AXDND1: variants seen among roughly 807,000 people sequenced by gnomAD.
AXDND1 encodes the protein axonemal dynein light chain domain containing 1.
A neutral mutation model predicts 137.5 loss-of-function variants in AXDND1; 110 were observed. The observed-to-expected ratio is 0.80, with a 90% CI of 0.69 to 0.94. AXDND1 has a LOEUF of 0.94. Ranked by LOEUF, AXDND1 falls within the 40% of genes least tolerant of loss-of-function variation. AXDND1 has a pLI of 0.00. For synonymous variants in AXDND1, 414 were observed against 399.7 expected (o/e 1.04, Z -0.43); for missense variants, 1,191 against 1,169.8 (o/e 1.02, Z -0.26).
At chr1:179,548,647 G>A (rs893868591) in intron 25 of AXDND1, 1 of 152,130 alleles carries the variant, frequency 6.6e-6, no homozygotes, top group African/African-American at 2.4e-5. Context: ...CATTGTAGTG[G>A]CCAGGAACAG....
chr1:179,434,158 A>T (rs1399597000), intron 15 of AXDND1, among the ~76,000 whole-genome samples: 2 of 152,090 alleles, frequency 1.3e-5, no homozygotes, highest in African/African-American at 2.4e-5. Flanking sequence ...ATTTTGTCAG[A>T]GACTAGTGTT....
rs113404025 is a variant in AXDND1 at position 179,509,057 on chromosome 1, C to T, written c.2389-239C>T. 7.1e-4 allele frequency among the ~76,000 whole-genome samples: 108 copies of T among 152,188 alleles called. 1 individual carries two copies. The highest frequency in any genetic ancestry group is 3.1e-3 in the Admixed American group (47 of 15,276). On this transcript the variant is annotated intron_variant, in intron 20 of 25. Transcript: ENST00000367618. ...AACAATCTTTTTGTATCTGTTTTTA[C>T]GGCACTTCACTACTCCCTGTCCCAT...
intron 25 of AXDND1, among the ~76,000 whole-genome samples, chr1:179,548,358 C>A (rs561663102): frequency 1.9e-4 from 29 of 152,314 alleles, no homozygotes; most frequent in Admixed American, 1.6e-3. Flanking sequence ...CTACTTTTAT[C>A]CCCATTTATA....
intron 15 of AXDND1, among the ~76,000 whole-genome samples, chr1:179,441,546 T>C (rs1472479960): frequency 6.6e-6 from 1 of 152,204 alleles, no homozygotes; most frequent in African/African-American, 2.4e-5. Flanking sequence ...AGAGTTAAGG[T>C]TAGCATTTCT....
intron 16 of AXDND1, among the ~76,000 whole-genome samples, chr1:179,465,365 G>A (rs1465219033): frequency 1.3e-5 from 2 of 152,246 alleles, no homozygotes; most frequent in East Asian, 3.8e-4. Context: ...CTGCAGGTCT[G>A]TTGGAGTTTG....
intron 11 of AXDND1, among the ~76,000 whole-genome samples, chr1:179,409,410 A>G (rs1245947709): frequency 5.9e-5 from 9 of 152,172 alleles, no homozygotes; most frequent in Admixed American, 3.3e-4. Flanking sequence ...AACAGGAACA[A>G]TTTGACTTCT....
chr1:179,382,876 G>A (rs1054513238), intron 7 of AXDND1, 120 bp downstream of exon 7: 3 of 647,152 alleles, frequency 4.6e-6, no homozygotes, highest in Admixed American at 6.4e-5. Context: ...GGCAATAATT[G>A]CCTACAAGTT....
intron 25 of AXDND1, chr1:179,551,224 G>A (rs1047482253): frequency 6.2e-7 from 1 of 1,614,134 alleles, no homozygotes; most frequent in Middle Eastern, 1.6e-4. Context: ...CAACAGGTTT[G>A]GAAGGACTTG....
intron 4 of AXDND1, among the ~76,000 whole-genome samples, chr1:179,378,045 T>A (rs1274031819): frequency 6.6e-6 from 1 of 151,968 alleles, no homozygotes; most frequent in African/African-American, 2.4e-5. Flanking sequence ...TGGCACGTGC[T>A]TGTAATCCCA....
chr1:179,523,714 C>CT (rs1415415565), intron 21 of AXDND1, among the ~76,000 whole-genome samples: 10 of 151,230 alleles, frequency 6.6e-5, no homozygotes, highest in Admixed American at 5.9e-4. Context: ...AACATCATTC[C>CT]TTTTTTTTTC....
At chr1:179,374,757 T>G (rs572110111) in intron 4 of AXDND1, among the ~76,000 whole-genome samples, 2 of 143,152 alleles carry the variant, frequency 1.4e-5, no homozygotes, top group African/African-American at 5.2e-5. Context: ...TTCTCACTCA[T>G]AGGTGGGAAT....
chr1:179,424,759 CCT>C (rs1341867189), intron 12 of AXDND1, among the ~76,000 whole-genome samples: 1 of 152,002 alleles, frequency 6.6e-6, no homozygotes, highest in African/African-American at 2.4e-5. Context: ...CCTTTTTTCT[CCT>C]CTGATTGTGT....
intron 16 of AXDND1, among the ~76,000 whole-genome samples, chr1:179,463,153 T>G (rs958266992): frequency 6.6e-6 from 1 of 152,238 alleles, no homozygotes; most frequent in African/African-American, 2.4e-5. Context: ...TTTCTTGCCT[T>G]CTGCTAGCTT....
intron 16 of AXDND1, among the ~76,000 whole-genome samples, chr1:179,467,573 G>T (rs1663377848): frequency 6.6e-6 from 1 of 152,196 alleles, no homozygotes; most frequent in African/African-American, 2.4e-5. Flanking sequence ...TAAGGGACTT[G>T]AGAATCCATG....
intron 21 of AXDND1, among the ~76,000 whole-genome samples, chr1:179,524,362 T>C (rs529168335): frequency 6.6e-6 from 1 of 152,318 alleles, no homozygotes; most frequent in African/African-American, 2.4e-5. Flanking sequence ...TAATTTACTT[T>C]CTTGGCTTTA....
At chr1:179,506,107 G>A (rs1282118882) in intron 20 of AXDND1, among the ~76,000 whole-genome samples, 1 of 152,078 alleles carries the variant, frequency 6.6e-6, no homozygotes, top group Non-Finnish European at 1.5e-5. Flanking sequence ...AACAGCTACT[G>A]AAAGCCTGGA....
chr1:179,491,861 T>C, intron 19 of AXDND1, 124 bp downstream of exon 19: 1 of 884,952 alleles, frequency 1.1e-6, no homozygotes, highest in Non-Finnish European at 1.7e-6. Flanking sequence ...TAGTTCAGTT[T>C]TTCAACTAGC....
At chr1:179,491,208 G>T (rs547849506) in intron 18 of AXDND1, among the ~76,000 whole-genome samples, 17 of 152,084 alleles carry the variant, frequency 1.1e-4, no homozygotes, top group Admixed American at 1.1e-3. Context: ...CTACTCAGGA[G>T]GTTAAGATGG....
intron 25 of AXDND1, among the ~76,000 whole-genome samples, chr1:179,537,717 T>C (rs1248237446): frequency 6.6e-6 from 1 of 152,236 alleles, no homozygotes; most frequent in Non-Finnish European, 1.5e-5. Flanking sequence ...TAAAATAAGT[T>C]AGGCAGGATT....
Sources: gnomAD v4.1 joint callset for allele counts (sites outside exome capture counted in the v4.1 genomes callset) on GRCh38, gnomAD v4.1.1 for gene constraint, MANE v1.5 for transcripts, NCBI Gene and HGNC (gene_info 2026-07-23, HGNC 2026-07-21) for gene names.